ICA1L: variants seen among roughly 807,000 people sequenced by gnomAD.
ICA1L encodes islet cell autoantigen 1 like, also known as islet cell autoantigen 1-like protein.
In ICA1L, 50 loss-of-function variants were observed where a neutral mutation model predicts 61.3. The ratio of observed to expected loss-of-function variants is 0.82; its 90% CI spans 0.65 to 1.03. The LOEUF (loss-of-function observed/expected upper bound fraction) is 1.03. Ranked by LOEUF, ICA1L falls within the 50% of genes least tolerant of loss-of-function variation. The pLI, the probability that ICA1L is intolerant of heterozygous loss-of-function variation, is 0.00. For missense variants in ICA1L, 508 were observed against 556.7 expected (o/e 0.91, Z 0.88); for synonymous variants, 161 against 191.3 (o/e 0.84, Z 1.31).
Position 202,779,473 on chromosome 2 carries a change from G to T in ICA1L, c.*60C>A. 2.0e-6 allele frequency: 2 copies of T among 1,012,242 alleles called. No homozygotes were observed. Among genetic ancestry groups the T allele is most frequent in the Non-Finnish European group, 1.5e-6 (1 of 658,582 alleles). 62.7% of individuals were successfully genotyped at this position (1,012,242 alleles called of 1,614,324 possible). ...GGGTTACAATCTAAATCCTTTCCAC[G>T]AAGGAAATACGTTGCAAAATTGATG... On this transcript the variant is annotated 3_prime_UTR_variant, in exon 13 of 13. Transcript: ENST00000358299.
At chr2:202,780,624 G>T (rs146169793) in intron 12 of ICA1L, among the ~76,000 whole-genome samples, 113 of 152,290 alleles carry the variant, frequency 7.4e-4, no homozygotes, top group Middle Eastern at 3.4e-3. Flanking sequence ...TCACAGTGTG[G>T]AGGGTAGAAG....
At chr2:202,789,731 T>C (rs1022020610) in intron 10 of ICA1L, among the ~76,000 whole-genome samples, 1 of 152,196 alleles carries the variant, frequency 6.6e-6, no homozygotes, top group Non-Finnish European at 1.5e-5. Context: ...GAATGGACTT[T>C]CGGAAAAATA....
At chr2:202,832,009 C>T (rs1694024475) in intron 1 of ICA1L, among the ~76,000 whole-genome samples, 1 of 152,064 alleles carries the variant, frequency 6.6e-6, no homozygotes, top group South Asian at 2.1e-4. Flanking sequence ...GTGCTAATCA[C>T]TAAACGAATC....
At chr2:202,862,397 G>C (rs1004333395) in intron 1 of ICA1L, among the ~76,000 whole-genome samples, 4 of 151,800 alleles carry the variant, frequency 2.6e-5, no homozygotes, top group Non-Finnish European at 4.4e-5. Context: ...GAGGCTGCAG[G>C]GAGTGAGCAA....
chr2:202,815,886 CAA>C, intron 7 of ICA1L, 23 bp downstream of exon 7: 1 of 1,375,444 alleles, frequency 7.3e-7, no homozygotes, highest in Non-Finnish European at 9.9e-7. Flanking sequence ...TACATCTAAA[CAA>C]GAGAACATGG....
At chr2:202,816,498 T>C (rs1466542768) in intron 6 of ICA1L, among the ~76,000 whole-genome samples, 1 of 152,238 alleles carries the variant, frequency 6.6e-6, no homozygotes, top group Admixed American at 6.5e-5. Context: ...GTTCTCAAGC[T>C]AACTCAAGTA....
At chr2:202,866,447 C>T (rs1187066840) in intron 1 of ICA1L, among the ~76,000 whole-genome samples, 7 of 152,142 alleles carry the variant, frequency 4.6e-5, no homozygotes, top group Non-Finnish European at 7.3e-5. Context: ...TTATAAATTA[C>T]GCAGTCTCAG....
chr2:202,778,440 T>C lies in ICA1L; in HGVS notation c.*1093A>G, dbSNP rs1692293014. 6.6e-6 allele frequency: 1 copy of C among 152,204 alleles called. No homozygotes were observed. The highest frequency in any genetic ancestry group is 1.5e-5 in the Non-Finnish European group (1 of 68,038). The allele number at this position is 152,204 out of a possible 1,614,324, so 9.4% of individuals were successfully genotyped here. A position where few individuals can be genotyped will look rare whatever the true frequency, so the allele number is the denominator to read the frequency against. ...AGTAATCAAATAGAACCTCAGATCA[T>C]GTCACCCACAGAAAGAGGGAAGTAG... is the stretch of plus-strand genomic sequence containing the variant. On this transcript the variant is annotated 3_prime_UTR_variant, in exon 13 of 13. Coordinates refer to ENST00000358299, the MANE Select transcript of ICA1L (RefSeq NM_001288622.3).
chr2:202,841,563 G>A, intron 1 of ICA1L: 2 of 707,502 alleles, frequency 2.8e-6, no homozygotes, highest in East Asian at 2.7e-5. Flanking sequence ...AGCAGGCTCT[G>A]GTTGACTGTG....
At chr2:202,806,928 T>G (rs541142993) in intron 9 of ICA1L, among the ~76,000 whole-genome samples, 2 of 152,350 alleles carry the variant, frequency 1.3e-5, no homozygotes, top group South Asian at 2.1e-4. Flanking sequence ...TAACATGTAT[T>G]TATTTTTTAA....
chr2:202,853,271 G>A (rs1396455895), intron 1 of ICA1L, among the ~76,000 whole-genome samples: 1 of 151,492 alleles, frequency 6.6e-6, no homozygotes, highest in African/African-American at 2.4e-5. Context: ...GCAGGAGAAC[G>A]GCGTGAACCC....
intron 3 of ICA1L, among the ~76,000 whole-genome samples, chr2:202,825,247 T>A (rs1693808383): frequency 6.6e-6 from 1 of 152,032 alleles, no homozygotes; most frequent in Non-Finnish European, 1.5e-5. Flanking sequence ...GGCAGGAGGA[T>A]CACTTGAGGC....
intron 1 of ICA1L, among the ~76,000 whole-genome samples, chr2:202,863,916 T>A (rs944649307): frequency 1.3e-5 from 2 of 151,934 alleles, no homozygotes; most frequent in African/African-American, 4.8e-5. Flanking sequence ...AACAACTTTA[T>A]GCCAAAAGAT....
At chr2:202,804,050 T>A (rs1693160776) in intron 9 of ICA1L, among the ~76,000 whole-genome samples, 1 of 152,162 alleles carries the variant, frequency 6.6e-6, no homozygotes, top group Non-Finnish European at 1.5e-5. Flanking sequence ...TGCTAATAAC[T>A]CTTTGTTAAG....
intron 12 of ICA1L, 99 bp downstream of exon 12, chr2:202,785,819 A>G: frequency 1.6e-6 from 1 of 627,450 alleles, no homozygotes; most frequent in Non-Finnish European, 2.7e-6. Flanking sequence ...TTTTCAGGAC[A>G]ATGAGGTGAA....
intron 1 of ICA1L, among the ~76,000 whole-genome samples, chr2:202,866,708 G>A (rs1350499812): frequency 6.6e-6 from 1 of 152,304 alleles, no homozygotes; most frequent in African/African-American, 2.4e-5. Context: ...AGCACTTCGG[G>A]AAGCTGAGGC....
Position 202,849,235 on chromosome 2 carries a change from GT to G in ICA1L, c.-7-20220del, listed in dbSNP as rs1324256599. ...ACCGAGCTAGCTGCAGGAGGTTTTT[GT>G]TTTTGTTTTTGTACCCCAGTGGTGC... On this transcript the variant is annotated intron_variant, in intron 1 of 12. Transcript: ENST00000358299. The surrounding 1 kb of genome is among the most constrained non-coding windows in gnomAD (Gnocchi z 4.5). 6.6e-6 allele frequency among the ~76,000 whole-genome samples: 1 copy of G among 152,024 alleles called. No individual in the cohort carries two copies. The highest frequency in any genetic ancestry group is 1.5e-5 in the Non-Finnish European group (1 of 67,932).
At chr2:202,810,836 T>C (rs180976415) in intron 9 of ICA1L, among the ~76,000 whole-genome samples, 8 of 152,302 alleles carry the variant, frequency 5.3e-5, no homozygotes, top group African/African-American at 1.9e-4. Context: ...TTTATGGTCA[T>C]AGCTGTGGGA....
intron 9 of ICA1L, among the ~76,000 whole-genome samples, chr2:202,800,172 C>T (rs970038082): frequency 5.3e-5 from 8 of 151,998 alleles, no homozygotes; most frequent in Admixed American, 3.9e-4. Context: ...TGAGCCACCG[C>T]GCCTGGCCTG....
Sources: allele counts gnomAD v4.1 joint callset (sites outside exome capture counted in the v4.1 genomes callset), GRCh38; gene constraint gnomAD v4.1.1; non-coding constraint Gnocchi (gnomAD v3.1); transcripts MANE v1.5; gene names NCBI Gene and HGNC (gene_info 2026-07-23, HGNC 2026-07-21).